Variants in NELL1 observed in about 807,000 individuals in gnomAD.
The protein encoded by NELL1 is protein kinase C-binding protein NELL1.
Under a neutral mutation model 107.4 loss-of-function variants are expected in NELL1, and 76 were observed. That is an observed-to-expected ratio of 0.71 (90% CI 0.59 to 0.86). The LOEUF is 0.86. Ranked by LOEUF, NELL1 falls within the 40% of genes least tolerant of loss-of-function variation. The pLI is 0.00. For missense variants in NELL1, 1,024 were observed against 1,005.5 expected (o/e 1.02, Z -0.25); for synonymous variants, 353 against 341.2 (o/e 1.03, Z -0.38).
intron 3 of NELL1, among the ~76,000 whole-genome samples, chr11:20,813,734 G>A (rs1421434094): frequency 1.3e-5 from 2 of 152,128 alleles, no homozygotes; most frequent in African/African-American, 4.8e-5. Flanking sequence ...ATTGTTCACA[G>A]ATGAATCTTG....
chr11:20,891,703 G>C (rs1393036608), intron 5 of NELL1, among the ~76,000 whole-genome samples: 1 of 152,038 alleles, frequency 6.6e-6, no homozygotes, highest in African/African-American at 2.4e-5. Flanking sequence ...AAAAGGCAGG[G>C]GTTGGAATCC....
chr11:21,061,702 T>G (rs576051148), intron 12 of NELL1, among the ~76,000 whole-genome samples: 1 of 152,318 alleles, frequency 6.6e-6, no homozygotes, highest in African/African-American at 2.4e-5. Context: ...TAGTCTTCGC[T>G]GATACTTCGG....
intron 14 of NELL1, among the ~76,000 whole-genome samples, chr11:21,330,231 C>T (rs1850240451): frequency 6.6e-6 from 1 of 152,012 alleles, no homozygotes; most frequent in South Asian, 2.1e-4. Context: ...TCATATTATG[C>T]AATTCCATTT....
chr11:21,502,628 A>G (rs1249337143), intron 15 of NELL1, among the ~76,000 whole-genome samples: 2 of 152,118 alleles, frequency 1.3e-5, no homozygotes, highest in Non-Finnish European at 2.9e-5. Context: ...TGTTCTTCAC[A>G]GTTGTCATTG....
At chr11:21,006,077 A>G (rs1317940166) in intron 12 of NELL1, among the ~76,000 whole-genome samples, 3 of 151,980 alleles carry the variant, frequency 2.0e-5, no homozygotes, top group African/African-American at 4.8e-5. Flanking sequence ...AAAAATATAT[A>G]CTTAGCATCT....
intron 14 of NELL1, among the ~76,000 whole-genome samples, chr11:21,360,463 A>G (rs1044367391): frequency 1.3e-5 from 2 of 152,236 alleles, no homozygotes; most frequent in South Asian, 4.1e-4. Context: ...TGTATATTAT[A>G]CAGTTGTTGG....
chr11:21,282,431 C>T (rs1239081822), intron 14 of NELL1, among the ~76,000 whole-genome samples: 1 of 137,234 alleles, frequency 7.3e-6, no homozygotes, highest in African/African-American at 2.8e-5. Context: ...AGTGAGCTGA[C>T]ATCATACCAT....
At chr11:20,863,881 G>A (rs552696025) in intron 4 of NELL1, among the ~76,000 whole-genome samples, 11 of 152,300 alleles carry the variant, frequency 7.2e-5, no homozygotes, top group East Asian at 5.8e-4. Context: ...GGAAGCTGGC[G>A]GATCACTCGC....
At chr11:21,524,182 T>C (rs1188934804) in intron 15 of NELL1, among the ~76,000 whole-genome samples, 3 of 152,200 alleles carry the variant, frequency 2.0e-5, no homozygotes, top group African/African-American at 4.8e-5. Flanking sequence ...ATCCCCACTC[T>C]GTCACTTTCC....
At chr11:21,092,812 T>A (rs1353503343) in intron 12 of NELL1, among the ~76,000 whole-genome samples, 1 of 152,158 alleles carries the variant, frequency 6.6e-6, no homozygotes, top group African/African-American at 2.4e-5. Context: ...GCTAGAGAAC[T>A]TGCTGATGGG....
intron 14 of NELL1, among the ~76,000 whole-genome samples, chr11:21,344,495 G>C (rs965108936): frequency 1.3e-5 from 2 of 152,050 alleles, no homozygotes; most frequent in Non-Finnish European, 2.9e-5. Flanking sequence ...GCTGTTCTAG[G>C]CCTCTCATAA....
At chr11:20,868,823 G>T (rs1849144243) in intron 4 of NELL1, among the ~76,000 whole-genome samples, 1 of 152,068 alleles carries the variant, frequency 6.6e-6, no homozygotes, top group African/African-American at 2.4e-5. Flanking sequence ...GAAATTTCAT[G>T]ATCTTAAGGC....
chr11:21,064,144 A>G (rs10741865), intron 12 of NELL1, among the ~76,000 whole-genome samples: 123,690 of 152,120 alleles, frequency 0.81, 50,982 homozygotes, highest in East Asian at 1. Context: ...TGTAACCAGA[A>G]CCAGGGAAGA....
chr11:20,752,330 A>T (rs1410699575), intron 2 of NELL1, among the ~76,000 whole-genome samples: 1 of 152,178 alleles, frequency 6.6e-6, no homozygotes, highest in Non-Finnish European at 1.5e-5. Context: ...CAGGCGGATC[A>T]CCTGAGGTTG....
intron 15 of NELL1, among the ~76,000 whole-genome samples, chr11:21,393,846 T>C (rs1851929305): frequency 6.6e-6 from 1 of 151,700 alleles, no homozygotes; most frequent in Admixed American, 6.6e-5. Context: ...TGCTAGGTGG[T>C]TGAGAAGATT....
intron 12 of NELL1, among the ~76,000 whole-genome samples, chr11:20,963,319 C>T (rs1045586970): frequency 6.6e-6 from 1 of 152,206 alleles, no homozygotes; most frequent in Admixed American, 6.5e-5. Context: ...TTTTCAGACC[C>T]AGGTTACACC....
chr11:21,486,909 T>A (rs1484605429), intron 15 of NELL1, among the ~76,000 whole-genome samples: 3 of 151,988 alleles, frequency 2.0e-5, no homozygotes, highest in Non-Finnish European at 4.4e-5. Flanking sequence ...TTTGAAATAA[T>A]CTAGTCAGAC....
intron 12 of NELL1, among the ~76,000 whole-genome samples, chr11:20,962,703 A>T (rs1851314144): frequency 6.6e-6 from 1 of 152,194 alleles, no homozygotes; most frequent in South Asian, 2.1e-4. Context: ...AGTGGATTTT[A>T]GGTCTGAATC....
At chr11:21,294,699 C>A (rs1849338505) in intron 14 of NELL1, among the ~76,000 whole-genome samples, 1 of 151,980 alleles carries the variant, frequency 6.6e-6, no homozygotes, top group Non-Finnish European at 1.5e-5. Flanking sequence ...TGAGGTCACA[C>A]AACTAACAGG....
Sources: allele counts gnomAD v4.1 joint callset (sites outside exome capture counted in the v4.1 genomes callset), GRCh38; gene constraint gnomAD v4.1.1; transcripts MANE v1.5; gene names NCBI Gene and HGNC (gene_info 2026-07-23, HGNC 2026-07-21).